The following CLDN11 variants were observed in gnomAD, a reference collection of about 807,000 sequenced individuals.
The protein encoded by CLDN11 is claudin-11.
A neutral mutation model predicts 18.0 loss-of-function variants in CLDN11; 1 was observed. That is an observed-to-expected ratio of 0.06 (90% confidence interval 0.02 to 0.26). CLDN11 has a LOEUF of 0.26. Among genes scored for constraint, CLDN11 ranks in the 10% least tolerant of loss-of-function variants. The pLI is 1.00. For missense variants in CLDN11, 172 were observed against 276.6 expected (o/e 0.62, Z 2.68); for synonymous variants, 116 against 121.5 (o/e 0.96, Z 0.30).
rs1373536535 is a variant in CLDN11 at position 170,434,550 on chromosome 3, C to G, written c.*1794C>G. On this transcript the variant is annotated 3_prime_UTR_variant, in exon 3 of 3. Transcript: ENST00000064724. ...TATGTAGCTGTTTGGACATTTTGGA[C>G]AAAGACACATTGAGTTGATTTTTAT... Among the ~76,000 whole-genome samples the G allele has an allele frequency of 6.6e-6, 1 of 152,186 alleles. No individual in the cohort carries two copies. Among genetic ancestry groups the G allele is most frequent in the Non-Finnish European group, 1.5e-5 (1 of 68,024 alleles).
At position 170,433,795 on chromosome 3, in the gene CLDN11, C is replaced by T. The variant is rs1322353882; in HGVS notation, c.*1039C>T. On this transcript the variant is annotated 3_prime_UTR_variant, in exon 3 of 3. Coordinates refer to ENST00000064724, the MANE Select transcript of CLDN11 (RefSeq NM_005602.6). ...TAAATAACAGTGCAAGTGAGTATAACTCTAACTGATGTTCCACAAAACATT... is the reference window on the plus strand; with the variant it reads ...TAAATAACAGTGCAAGTGAGTATAATTCTAACTGATGTTCCACAAAACATT... 6.6e-6 allele frequency: 1 copy of T among 152,606 alleles called. No homozygotes were observed. Among genetic ancestry groups the T allele is most frequent in the Non-Finnish European group, 1.5e-5 (1 of 68,046 alleles). The allele number at this position is 152,606 out of a possible 1,614,324, so 9.5% of individuals were successfully genotyped here. A position where few individuals can be genotyped will look rare whatever the true frequency, so the allele number is the denominator to read the frequency against.
Position 170,432,820 on chromosome 3 carries a change from G to A in CLDN11, c.*64G>A, listed in dbSNP as rs950485562. 157 of 1,493,924 alleles carry A rather than the reference G, an allele frequency of 1.1e-4. No individual in the cohort carries two copies. Among genetic ancestry groups the A allele is most frequent in the Non-Finnish European group, 1.2e-4 (128 of 1,072,944 alleles). 92.5% of individuals were successfully genotyped at this position (1,493,924 alleles called of 1,614,324 possible). A position where few individuals can be genotyped will look rare whatever the true frequency, so the allele number is the denominator to read the frequency against. ...TGGGCCCAGGGCCCTAGGTTTGCTC[G>A]TCACAGTGTGGGGAAGCCCATTCCT... On this transcript the variant is annotated 3_prime_UTR_variant, in exon 3 of 3. Transcript: ENST00000064724.
chr3:170,419,775 G>C lies in CLDN11; in HGVS notation c.226+483G>C, dbSNP rs1738677144. Among the ~76,000 whole-genome samples, 1 of 152,268 alleles carries C rather than the reference G, an allele frequency of 6.6e-6. No individual in the cohort carries two copies. Among genetic ancestry groups the C allele is most frequent in the Non-Finnish European group, 1.5e-5 (1 of 68,044 alleles). ...CAGGCTGAGTTTCTCGGTCCTCATGGGATGGGCGAAGCGCCCCCGGCCAGG... is the reference window on the plus strand; with the variant it reads ...CAGGCTGAGTTTCTCGGTCCTCATGCGATGGGCGAAGCGCCCCCGGCCAGG... On this transcript the variant is annotated intron_variant, in intron 1 of 2. Coordinates refer to ENST00000064724, the MANE Select transcript of CLDN11 (RefSeq NM_005602.6). The surrounding 1 kb of genome is among the most constrained non-coding windows in gnomAD (Gnocchi z 8.6).
At chr3:170,427,089 T>C (rs1738873578) in intron 2 of CLDN11, among the ~76,000 whole-genome samples, 1 of 152,204 alleles carries the variant, frequency 6.6e-6, no homozygotes, top group Admixed American at 6.5e-5. Context: ...TATATAAAAG[T>C]AGAGGAATAG....
At chr3:170,424,884 C>T (rs1738809324) in intron 2 of CLDN11, among the ~76,000 whole-genome samples, 2 of 151,272 alleles carry the variant, frequency 1.3e-5, no homozygotes, top group South Asian at 2.1e-4. Flanking sequence ...TGCAAAGGGA[C>T]GGAGGTTTGC....
chr3:170,429,188 A>G (rs1168822535), intron 2 of CLDN11, among the ~76,000 whole-genome samples: 3 of 152,298 alleles, frequency 2.0e-5, no homozygotes, highest in Non-Finnish European at 2.9e-5. Flanking sequence ...TTTGGGTTCA[A>G]TTGAAGGTCA....
Position 170,426,983 on chromosome 3 carries a change from T to A in CLDN11, c.391+3656T>A, listed in dbSNP as rs1020248033. Among the ~76,000 whole-genome samples, 4 of 152,138 alleles carry A rather than the reference T, an allele frequency of 2.6e-5. No individual in the cohort carries two copies. The East Asian group carries it at 7.7e-4, about 29-fold the overall frequency. On this transcript the variant is annotated intron_variant, in intron 2 of 2. Coordinates refer to ENST00000064724, the MANE Select transcript of CLDN11 (RefSeq NM_005602.6). ...TTTTTGTAGAGATGGGGTTTCACCA[T>A]ATTGGGCAGGCTGGTCTCGAACTCC...
intron 2 of CLDN11, among the ~76,000 whole-genome samples, chr3:170,427,109 C>G (rs1738874272): frequency 6.6e-6 from 1 of 152,104 alleles, no homozygotes; most frequent in Non-Finnish European, 1.5e-5. Flanking sequence ...GTATAATAAA[C>G]CCCTGTGAAC....
At chr3:170,426,929 G>C (rs1422474613) in intron 2 of CLDN11, among the ~76,000 whole-genome samples, 1 of 152,160 alleles carries the variant, frequency 6.6e-6, no homozygotes, top group Non-Finnish European at 1.5e-5. Context: ...TTACTGGCAT[G>C]TGCCACCATG....
chr3:170,430,835 C>T (rs1457126528), intron 2 of CLDN11, among the ~76,000 whole-genome samples: 1 of 152,160 alleles, frequency 6.6e-6, no homozygotes, highest in African/African-American at 2.4e-5. Context: ...TGTGAGCCAC[C>T]ATGCCTGGCC....
chr3:170,428,764 C>G (rs757188141), intron 2 of CLDN11, among the ~76,000 whole-genome samples: 12 of 152,196 alleles, frequency 7.9e-5, no homozygotes, highest in Admixed American at 7.2e-4. Flanking sequence ...ACTGAAAAAT[C>G]TGAGTGCTAA....
chr3:170,420,315 C>A (rs1175699825), intron 1 of CLDN11, among the ~76,000 whole-genome samples: 2 of 152,158 alleles, frequency 1.3e-5, no homozygotes, highest in Non-Finnish European at 2.9e-5. Flanking sequence ...GGGCTTCTGT[C>A]CCCCAGCCTT....
chr3:170,432,626 C>A lies in CLDN11; in HGVS notation c.494C>A (p.Ala165Asp). ...GYSLYAGWIG[A>D]VLCLVGGCVI... is the part of the protein sequence containing the mutation. ...TCCCTGTATGCAGGCTGGATTGGTG[C>A]TGTGCTGTGCCTCGTGGGTGGCTGT... The change falls in exon 3 of 3, where the codon GCT (alanine) becomes GAT (aspartate). Residue 165 changes from alanine (A) to aspartate (D), a missense_variant. This residue lies in a region of CLDN11 where 161 missense variants were observed against 240.3 expected (regional missense o/e 0.67). Coordinates refer to ENST00000064724, the MANE Select transcript of CLDN11 (RefSeq NM_005602.6). 1 of 1,614,184 alleles carries A rather than the reference C, an allele frequency of 6.2e-7. No homozygotes were observed. The highest frequency in any genetic ancestry group is 8.5e-7 in the Non-Finnish European group (1 of 1,180,046).
At chr3:170,429,968 T>G (rs1273016174) in intron 2 of CLDN11, among the ~76,000 whole-genome samples, 1 of 152,238 alleles carries the variant, frequency 6.6e-6, no homozygotes, top group African/African-American at 2.4e-5. Flanking sequence ...TTGAACCATA[T>G]CAGTTGTTTG....
chr3:170,420,720 A>G (rs1264640924), intron 1 of CLDN11, among the ~76,000 whole-genome samples: 1 of 152,028 alleles, frequency 6.6e-6, no homozygotes, highest in African/African-American at 2.4e-5. Context: ...TTCATTTTGA[A>G]CTTTCAGAAG....
At chr3:170,430,221 A>G (rs1391617126) in intron 2 of CLDN11, among the ~76,000 whole-genome samples, 1 of 152,232 alleles carries the variant, frequency 6.6e-6, no homozygotes, top group Non-Finnish European at 1.5e-5. Context: ...CTGACAGAGA[A>G]AAAGGTTTTT....
chr3:170,418,949 C>G lies in CLDN11; in HGVS notation c.-118C>G. On this transcript the variant is annotated 5_prime_UTR_variant, in exon 1 of 3. Transcript: ENST00000064724. This position sits in a 1 kb window ranked among gnomAD's most constrained non-coding sequence, Gnocchi z 4.3. ...CACCTCCACCTCCAGTGTCCCGCCT[C>G]GGGCCGTCGCCCTCCAGCGGCTCGC... The G allele has an allele frequency of 2.6e-6, 2 of 759,308 alleles. No homozygotes were observed. Among genetic ancestry groups the G allele is most frequent in the East Asian group, 2.7e-5 (1 of 36,552 alleles). The allele number at this position is 759,308 out of a possible 1,614,324, so 47.0% of individuals were successfully genotyped here.
At position 170,432,531 on chromosome 3, in the gene CLDN11, C is replaced by T. The variant is rs138100932; in HGVS notation, c.399C>T (p.Cys133=). The T allele has an allele frequency of 1.2e-5, 20 of 1,612,572 alleles. No homozygotes were observed. Among genetic ancestry groups the T allele is most frequent in the South Asian group, 5.5e-5 (5 of 91,082 alleles). ...CTCTCCATGTCTCTCCAGCTCTCTGCGCCCTTGTTGCCACCATCTGGTTCC... is the reference window on the plus strand; with the variant it reads ...CTCTCCATGTCTCTCCAGCTCTCTGTGCCCTTGTTGCCACCATCTGGTTCC... ...AGVLLILLAL[C]ALVATIWFPV... is the part of the protein sequence containing the mutation. The change falls in exon 3 of 3, where the codon TGC becomes TGT. Residue 133 remains cysteine, a synonymous_variant. Coordinates refer to ENST00000064724, the MANE Select transcript of CLDN11 (RefSeq NM_005602.6).
chr3:170,421,384 G>C, intron 1 of CLDN11: 1 of 726,794 alleles, frequency 1.4e-6, no homozygotes, highest in South Asian at 6.2e-5. Context: ...GGCTGGGTCA[G>C]GGGATGGGCC....
Sources: allele counts gnomAD v4.1 joint callset (sites outside exome capture counted in the v4.1 genomes callset), GRCh38; gene constraint gnomAD v4.1.1; regional missense constraint gnomAD v4.1.1; non-coding constraint Gnocchi (gnomAD v3.1); transcripts MANE v1.5; gene names NCBI Gene and HGNC (gene_info 2026-07-23, HGNC 2026-07-21).